The following MYRIP variants were observed in gnomAD, a reference collection of about 807,000 sequenced individuals.
MYRIP encodes the protein myosin VIIA and Rab interacting protein.
Under a neutral mutation model 98.0 loss-of-function variants are expected in MYRIP, and 49 were observed. The observed-to-expected ratio is 0.50, with a 90% CI of 0.40 to 0.63. MYRIP has a LOEUF of 0.63. Among genes scored for constraint, MYRIP ranks in the 30% least tolerant of loss-of-function variants. The pLI is 0.00. For missense variants in MYRIP, 1,004 were observed against 1,058.2 expected, an observed-to-expected ratio of 0.95 and a Z score of 0.71; for synonymous variants, 404 against 409.5, an observed-to-expected ratio of 0.99 and a Z score of 0.16.
intron 3 of MYRIP, among the ~76,000 whole-genome samples, chr3:40,090,105 A>G (rs534244273): frequency 6.6e-6 from 1 of 152,128 alleles, no homozygotes; most frequent in East Asian, 1.9e-4. Context: ...TTCATCAAGA[A>G]TAATCAACAT....
chr3:39,983,114 C>T (rs1448686012), intron 2 of MYRIP, among the ~76,000 whole-genome samples: 2 of 152,108 alleles, frequency 1.3e-5, no homozygotes, highest in African/African-American at 4.8e-5. Context: ...ATACTGTGGC[C>T]AAATATAAAC....
At chr3:39,975,064 G>C (rs1258137172) in intron 2 of MYRIP, among the ~76,000 whole-genome samples, 4 of 152,184 alleles carry the variant, frequency 2.6e-5, no homozygotes, top group Non-Finnish European at 5.9e-5. Context: ...GCAGGAGAAG[G>C]AAATAAAGGG....
At chr3:39,876,855 G>A (rs1389974614) in intron 1 of MYRIP, among the ~76,000 whole-genome samples, 59 of 152,022 alleles carry the variant, frequency 3.9e-4, no homozygotes, top group African/African-American at 1.3e-3. Flanking sequence ...TCTTTGTGGT[G>A]TTCTCTGTAT....
At chr3:39,997,936 C>G in intron 2 of MYRIP, among the ~76,000 whole-genome samples, 1 of 152,104 alleles carries the variant, frequency 6.6e-6, no homozygotes, top group Non-Finnish European at 1.5e-5. Context: ...ACAAAAACCA[C>G]ATAATTATCT....
chr3:40,055,660 A>G (rs1375087756), intron 3 of MYRIP, among the ~76,000 whole-genome samples: 1 of 152,176 alleles, frequency 6.6e-6, no homozygotes, highest in African/African-American at 2.4e-5. Flanking sequence ...CTTACAACAG[A>G]TAATCCCCAT....
chr3:40,080,670 T>C (rs1948454472), intron 3 of MYRIP, among the ~76,000 whole-genome samples: 1 of 151,912 alleles, frequency 6.6e-6, no homozygotes, highest in Non-Finnish European at 1.5e-5. Context: ...ATCATACCTG[T>C]TAGTATTTAT....
intron 2 of MYRIP, among the ~76,000 whole-genome samples, chr3:39,968,038 T>A (rs1306699475): frequency 1.3e-5 from 2 of 152,138 alleles, no homozygotes; most frequent in African/African-American, 2.4e-5. Context: ...TTGTCTACTC[T>A]GCTGATAGTT....
chr3:40,217,428 T>C (rs1277647760), intron 11 of MYRIP, among the ~76,000 whole-genome samples: 2 of 152,222 alleles, frequency 1.3e-5, no homozygotes, highest in Non-Finnish European at 2.9e-5. Flanking sequence ...AATTTTAGGA[T>C]ATCTATTAAC....
chr3:39,867,891 G>A (rs1037870551), intron 1 of MYRIP, among the ~76,000 whole-genome samples: 4 of 152,180 alleles, frequency 2.6e-5, no homozygotes, highest in South Asian at 2.1e-4. Context: ...GGACATGGAA[G>A]CAACCTAAGT....
intron 2 of MYRIP, among the ~76,000 whole-genome samples, chr3:39,957,242 C>G (rs546319271): frequency 7.2e-5 from 11 of 151,894 alleles, no homozygotes; most frequent in African/African-American, 2.7e-4. Context: ...GAATTTTAGA[C>G]CAATATCCCT....
rs972675940 is a variant in MYRIP at position 40,029,531 on chromosome 3, G to T, written c.111-14519G>T. ...CATGAACAGATGTTTATGATATATTGTTAAGTAAAAAAAGAAGTTGTAAAA... is the reference window on the plus strand; with the variant it reads ...CATGAACAGATGTTTATGATATATTTTTAAGTAAAAAAAGAAGTTGTAAAA... On this transcript the variant is annotated intron_variant, in intron 2 of 16. Coordinates refer to ENST00000302541, the MANE Select transcript of MYRIP (RefSeq NM_015460.4). Among the ~76,000 whole-genome samples, 6 of 152,164 alleles carry T rather than the reference G, an allele frequency of 3.9e-5. No homozygotes were observed. The East Asian group carries it at 7.7e-4, about 20-fold the overall frequency.
chr3:39,860,563 G>C lies in MYRIP; in HGVS notation c.-30-40224G>C, dbSNP rs903736744. Among the ~76,000 whole-genome samples the C allele has an allele frequency of 7.2e-5, 11 of 152,306 alleles. No homozygotes were observed. The East Asian group carries it at 1.9e-3, about 27-fold the overall frequency. ...CCTCTCACGGGGGCCCAGCCTGGCT[G>C]CACCTTCTTGTGGTACATCCTTAGA... On this transcript the variant is annotated intron_variant, in intron 1 of 16. Coordinates refer to ENST00000302541, the MANE Select transcript of MYRIP (RefSeq NM_015460.4).
chr3:40,023,329 A>G (rs1947042453), intron 2 of MYRIP, among the ~76,000 whole-genome samples: 1 of 152,236 alleles, frequency 6.6e-6, no homozygotes. Context: ...TATTTCATAC[A>G]GAGAGTTTTT....
chr3:40,204,084 TATATATTATATA>T (rs1420373461), intron 10 of MYRIP, among the ~76,000 whole-genome samples: 1 of 4,108 alleles, frequency 2.4e-4, no homozygotes, highest in African/African-American at 5.0e-4. Context: ...ATAATATATT[TATATATTATATA>T]ATATATTATA....
intron 2 of MYRIP, among the ~76,000 whole-genome samples, chr3:39,984,984 T>C (rs1199916663): frequency 6.6e-6 from 1 of 150,652 alleles, no homozygotes; most frequent in East Asian, 1.9e-4. Flanking sequence ...CCAGTGATGA[T>C]GAGCATTTTT....
At chr3:39,911,408 A>G (rs1944017748) in intron 2 of MYRIP, among the ~76,000 whole-genome samples, 1 of 152,170 alleles carries the variant, frequency 6.6e-6, no homozygotes, top group Non-Finnish European at 1.5e-5. Context: ...TTCTTTAATA[A>G]CAGTTTTCTA....
chr3:39,877,507 C>T (rs1943032797), intron 1 of MYRIP, among the ~76,000 whole-genome samples: 1 of 152,096 alleles, frequency 6.6e-6, no homozygotes, highest in Non-Finnish European at 1.5e-5. Flanking sequence ...TGGTGATGTG[C>T]AGATGGGTTT....
At chr3:40,130,527 A>G (rs1467927529) in intron 3 of MYRIP, among the ~76,000 whole-genome samples, 2 of 151,152 alleles carry the variant, frequency 1.3e-5, no homozygotes, top group Non-Finnish European at 1.5e-5. Context: ...ACAGGCGCCC[A>G]CCATCACGCC....
intron 2 of MYRIP, among the ~76,000 whole-genome samples, chr3:39,990,034 C>T (rs970070807): frequency 2.6e-5 from 4 of 152,360 alleles, no homozygotes; most frequent in African/African-American, 9.6e-5. Context: ...TGATCACCCT[C>T]CCCCAGGAGC....
Sources: allele counts gnomAD v4.1 joint callset (sites outside exome capture counted in the v4.1 genomes callset), GRCh38; gene constraint gnomAD v4.1.1; transcripts MANE v1.5; gene names NCBI Gene and HGNC (gene_info 2026-07-23, HGNC 2026-07-21).